Variants in NOL4 observed in about 807,000 individuals in gnomAD.
NOL4 encodes cancer/testis antigen 125.
A neutral mutation model predicts 75.9 loss-of-function variants in NOL4; 17 were observed. The observed-to-expected ratio is 0.22, with a 90% CI of 0.15 to 0.34. The LOEUF is 0.34. Ranked by LOEUF, NOL4 falls within the 10% of genes least tolerant of loss-of-function variation. The probability of loss-of-function intolerance (pLI) is 1.00; values close to 1 mark genes in which losing one functional copy is unlikely to be tolerated. For missense variants in NOL4, 614 were observed against 793.5 expected, an observed-to-expected ratio of 0.77 and a Z score of 2.72; for synonymous variants, 292 against 289.9, an observed-to-expected ratio of 1.01 and a Z score of -0.07.
chr18:34,199,145 G>GTT lies in NOL4; in HGVS notation c.264+23843_264+23844dup, dbSNP rs11323634. Among the ~76,000 whole-genome samples the GTT allele has an allele frequency of 2.2e-3, 295 of 131,284 alleles. 2 individuals are homozygous for GTT. The highest frequency in any genetic ancestry group is 7.4e-3 in the African/African-American group (263 of 35,690). The allele number at this position is 131,284 out of a possible 152,430, so 86.1% of individuals were successfully genotyped here. On this transcript the variant is annotated intron_variant, in intron 1 of 10. Coordinates refer to ENST00000261592, the MANE Select transcript of NOL4 (RefSeq NM_003787.5). ...TCAGAGCAAAGCCTGGGACAGAGAA[G>GTT]TTTTTTTTTTTTTTTTTGTATGTTT...
At chr18:34,014,808 G>A (rs976057100) in intron 6 of NOL4, among the ~76,000 whole-genome samples, 2 of 152,004 alleles carry the variant, frequency 1.3e-5, no homozygotes, top group African/African-American at 4.8e-5. Context: ...CTAGTCTAGT[G>A]AGTTAATTTG....
At chr18:34,162,707 C>T (rs1189660163) in intron 1 of NOL4, among the ~76,000 whole-genome samples, 1 of 152,094 alleles carries the variant, frequency 6.6e-6, no homozygotes, top group East Asian at 1.9e-4. Flanking sequence ...TTCCAATCAA[C>T]AGAAAAAGAG....
At chr18:34,104,955 G>A in intron 3 of NOL4, 94 bp downstream of exon 3, 2 of 760,780 alleles carry the variant, frequency 2.6e-6, no homozygotes, top group Non-Finnish European at 4.5e-6. Context: ...TTGTTGAACT[G>A]TTTCAGTCTA....
At chr18:33,929,445 C>T (rs552248042) in intron 9 of NOL4, among the ~76,000 whole-genome samples, 4 of 152,180 alleles carry the variant, frequency 2.6e-5, no homozygotes, top group African/African-American at 4.8e-5. Context: ...CTGGCTCTCA[C>T]AGCAATCTGA....
intron 5 of NOL4, among the ~76,000 whole-genome samples, chr18:34,087,836 A>G (rs2078317689): frequency 6.6e-6 from 1 of 151,880 alleles, no homozygotes; most frequent in Non-Finnish European, 1.5e-5. Flanking sequence ...TGGGAGGCAA[A>G]GATTTTTACT....
chr18:33,937,831 C>A (rs1024205272), intron 9 of NOL4, among the ~76,000 whole-genome samples: 1 of 152,086 alleles, frequency 6.6e-6, no homozygotes, highest in African/African-American at 2.4e-5. Flanking sequence ...GTTTACAGTG[C>A]ATAAACAGCT....
At chr18:33,875,090 TC>T (rs1361408237) in intron 10 of NOL4, among the ~76,000 whole-genome samples, 1 of 151,984 alleles carries the variant, frequency 6.6e-6, no homozygotes, top group East Asian at 1.9e-4. Flanking sequence ...TTGAAAAGTC[TC>T]CCCCCACGGA....
At chr18:33,883,551 AG>A in intron 9 of NOL4, 127 bp from the exon 10 acceptor site, 1 of 587,598 alleles carries the variant, frequency 1.7e-6, no homozygotes, top group Non-Finnish European at 2.6e-6. Flanking sequence ...ATGTTAAGTA[AG>A]CACAGATGCA....
intron 8 of NOL4, among the ~76,000 whole-genome samples, chr18:33,956,432 C>G (rs190643762): frequency 6.6e-6 from 1 of 152,192 alleles, no homozygotes; most frequent in Admixed American, 6.5e-5. Context: ...CTTATGTACA[C>G]CAATTCCTAC....
At chr18:34,163,462 G>T (rs2146197406) in intron 1 of NOL4, among the ~76,000 whole-genome samples, 1 of 152,082 alleles carries the variant, frequency 6.6e-6, no homozygotes, top group South Asian at 2.1e-4. Context: ...CAAACAGAGA[G>T]CCAAATCATG....
At chr18:33,958,608 C>A (rs2069850203) in intron 6 of NOL4, among the ~76,000 whole-genome samples, 190 bp from the exon 7 acceptor site, 1 of 152,120 alleles carries the variant, frequency 6.6e-6, no homozygotes, top group African/African-American at 2.4e-5. Flanking sequence ...TTGGTCACGT[C>A]ACACTAGTTA....
intron 5 of NOL4, among the ~76,000 whole-genome samples, chr18:34,045,840 G>A (rs2144876039): frequency 6.6e-6 from 1 of 152,122 alleles, no homozygotes; most frequent in South Asian, 2.1e-4. Context: ...ATTTTTAAAA[G>A]CAAATACAAA....
rs1321168801 is a variant in NOL4 at position 34,223,749 on chromosome 18, T to A, written c.-496A>T. On this transcript the variant is annotated 5_prime_UTR_variant, in exon 1 of 11. Coordinates refer to ENST00000261592, the MANE Select transcript of NOL4 (RefSeq NM_003787.5). Reference sequence around the variant, plus strand: ...GCTTCCCCAGCCACTGGCCCCGTGGTCCAGGAGTGAGGGCTGCGCCTCTCC... The same window carrying A: ...GCTTCCCCAGCCACTGGCCCCGTGGACCAGGAGTGAGGGCTGCGCCTCTCC... Among the ~76,000 whole-genome samples, 1 of 152,088 alleles carries A rather than the reference T, an allele frequency of 6.6e-6. No individual in the cohort carries two copies. The highest frequency in any genetic ancestry group is 1.5e-5 in the Non-Finnish European group (1 of 68,000).
At chr18:34,046,840 G>T (rs539005393) in intron 5 of NOL4, among the ~76,000 whole-genome samples, 2 of 151,470 alleles carry the variant, frequency 1.3e-5, no homozygotes, top group South Asian at 4.2e-4. Context: ...ACTTTAATTT[G>T]TTCTCTGGGG....
intron 1 of NOL4, among the ~76,000 whole-genome samples, chr18:34,202,531 C>G (rs142739661): frequency 1.3e-5 from 2 of 152,004 alleles, no homozygotes; most frequent in African/African-American, 4.8e-5. Context: ...CCAACTTTGG[C>G]TAAAATGGAA....
intron 5 of NOL4, among the ~76,000 whole-genome samples, chr18:34,067,144 T>C (rs1459887419): frequency 6.6e-6 from 1 of 152,154 alleles, no homozygotes; most frequent in African/African-American, 2.4e-5. Flanking sequence ...GTACAGGATT[T>C]GCGATTTAAA....
intron 5 of NOL4, among the ~76,000 whole-genome samples, chr18:34,052,828 A>C (rs1159957625): frequency 6.6e-6 from 1 of 152,048 alleles, no homozygotes; most frequent in Non-Finnish European, 1.5e-5. Context: ...ATCATATAAC[A>C]AGCATGTAGA....
intron 6 of NOL4, among the ~76,000 whole-genome samples, chr18:34,006,546 T>C (rs573922560): frequency 6.6e-6 from 1 of 152,158 alleles, no homozygotes; most frequent in South Asian, 2.1e-4. Context: ...ACTGCTTCCA[T>C]CATGGAAGGA....
At chr18:34,077,133 C>T (rs1335513011) in intron 5 of NOL4, among the ~76,000 whole-genome samples, 4 of 152,094 alleles carry the variant, frequency 2.6e-5, no homozygotes, top group South Asian at 2.1e-4. Context: ...TGGTGAAACC[C>T]GGTCTCTACA....
Sources: allele counts gnomAD v4.1 joint callset (sites outside exome capture counted in the v4.1 genomes callset), GRCh38; gene constraint gnomAD v4.1.1; transcripts MANE v1.5; gene names NCBI Gene and HGNC (gene_info 2026-07-23, HGNC 2026-07-21).